The following NAV1 variants were observed in gnomAD, a reference collection of about 807,000 sequenced individuals.
The protein encoded by NAV1 is neuron navigator 1, also known as pore membrane and/or filament interacting like protein 3.
NAV1 carries 18 observed loss-of-function variants against 175.2 expected under a neutral mutation model. The ratio of observed to expected loss-of-function variants is 0.10; its 90% CI spans 0.07 to 0.15. The LOEUF (loss-of-function observed/expected upper bound fraction) is 0.15, where lower values mean the gene tolerates loss of function less well. Ranked by LOEUF, NAV1 falls within the 10% of genes least tolerant of loss-of-function variation. The pLI, the probability that NAV1 is intolerant of heterozygous loss-of-function variation, is 1.00. For synonymous variants in NAV1, 897 were observed against 978.7 expected (o/e 0.92, Z 1.56); for missense variants, 1,731 against 2,436.6 (o/e 0.71, Z 6.10).
chr1:201,675,515 C>A (rs1046535001), intron 1 of NAV1, among the ~76,000 whole-genome samples: 1 of 152,188 alleles, frequency 6.6e-6, no homozygotes, highest in African/African-American at 2.4e-5. Flanking sequence ...GGAACTGCTC[C>A]ATAAACACTA....
chr1:201,776,423 C>T (rs6427919), intron 3 of NAV1, among the ~76,000 whole-genome samples: 13,222 of 150,194 alleles, frequency 0.088, 1,044 homozygotes, highest in African/African-American at 0.21. Flanking sequence ...AGGCAGATGA[C>T]GAGGTCAAGA....
chr1:201,696,434 G>A (rs775712536), intron 1 of NAV1, among the ~76,000 whole-genome samples: 22 of 152,204 alleles, frequency 1.4e-4, no homozygotes, highest in Admixed American at 3.3e-4. Flanking sequence ...TCAGAGCTGG[G>A]ACAAAGCCCA....
intron 1 of NAV1, among the ~76,000 whole-genome samples, chr1:201,701,009 CAAAAAAAAA>C (rs386369321): frequency 3.8e-5 from 2 of 52,752 alleles, no homozygotes; most frequent in Admixed American, 3.4e-4. Flanking sequence ...GACTCTGTCT[CAAAAAAAAA>C]AAAAAAAAAA....
chr1:201,791,125 T>C, intron 13 of NAV1: 1 of 247,106 alleles, frequency 4.0e-6, no homozygotes, highest in Non-Finnish European at 8.0e-6. Context: ...ATTATAATTA[T>C]AGGGCTCTTA....
chr1:201,596,813 T>TTTTG (rs35430031), intron 2 of NAV1, among the ~76,000 whole-genome samples: 15,063 of 151,512 alleles, frequency 0.099, 907 homozygotes, highest in Admixed American at 0.14. Flanking sequence ...TTTGTTTGTT[T>TTTTG]TTTGTTTGTT....
chr1:201,659,631 G>A (rs1425029201), intron 1 of NAV1, among the ~76,000 whole-genome samples: 1 of 152,036 alleles, frequency 6.6e-6, no homozygotes, highest in Non-Finnish European at 1.5e-5. Flanking sequence ...AAAAATAAAT[G>A]AATAATAAAT....
chr1:201,682,658 C>T (rs187619145), intron 1 of NAV1, among the ~76,000 whole-genome samples: 8 of 152,046 alleles, frequency 5.3e-5, no homozygotes, highest in Admixed American at 3.9e-4. Flanking sequence ...AAAGTTGGCC[C>T]TTGGTGTAGG....
At chr1:201,601,567 T>C (rs1667512854) in intron 2 of NAV1, among the ~76,000 whole-genome samples, 1 of 152,244 alleles carries the variant, frequency 6.6e-6, no homozygotes, top group East Asian at 1.9e-4. Context: ...GAGCCTTCTT[T>C]GTGAATGGGA....
At chr1:201,723,174 G>A (rs1285085899) in intron 3 of NAV1, 2 of 152,252 alleles carry the variant, frequency 1.3e-5, no homozygotes, top group Non-Finnish European at 2.9e-5. Flanking sequence ...TTTGATTTCT[G>A]TAGTGATTAG....
chr1:201,596,214 T>G (rs1037325786), intron 2 of NAV1, among the ~76,000 whole-genome samples: 7 of 152,264 alleles, frequency 4.6e-5, no homozygotes, highest in African/African-American at 1.7e-4. Flanking sequence ...CATCAGTGTT[T>G]GCTGTTATTA....
At chr1:201,733,386 G>GA (rs1282259670) in intron 3 of NAV1, 3 of 151,940 alleles carry the variant, frequency 2.0e-5, no homozygotes. Flanking sequence ...TCTCAAAAAA[G>GA]AAAAAAGAAA....
chr1:201,770,688 A>T (rs1675517781), intron 3 of NAV1, among the ~76,000 whole-genome samples: 1 of 152,162 alleles, frequency 6.6e-6, no homozygotes, highest in African/African-American at 2.4e-5. Context: ...GAGGATAAGG[A>T]GAAAATAGCT....
At chr1:201,662,186 A>C (rs1669638781) in intron 1 of NAV1, among the ~76,000 whole-genome samples, 1 of 152,232 alleles carries the variant, frequency 6.6e-6, no homozygotes, top group South Asian at 2.1e-4. Context: ...AGCAGCCCAG[A>C]TCTTTTATTC....
intron 15 of NAV1, among the ~76,000 whole-genome samples, chr1:201,802,715 G>A (rs990037454): frequency 2.0e-5 from 3 of 151,264 alleles, no homozygotes; most frequent in African/African-American, 7.3e-5. Context: ...GGAAGCAGAG[G>A]TTGCAATGAG....
intron 2 of NAV1, among the ~76,000 whole-genome samples, chr1:201,614,183 T>G (rs905529897): frequency 2.6e-5 from 4 of 152,148 alleles, no homozygotes; most frequent in Non-Finnish European, 5.9e-5. Context: ...ACTGTAAATA[T>G]TTTCCTTGTC....
chr1:201,655,997 G>A (rs1245127393), intron 1 of NAV1, among the ~76,000 whole-genome samples: 4 of 152,222 alleles, frequency 2.6e-5, no homozygotes, highest in African/African-American at 9.6e-5. Flanking sequence ...GGGAGGGCAT[G>A]GAGAGCAGCC....
chr1:201,681,940 C>A (rs773775685), intron 1 of NAV1, among the ~76,000 whole-genome samples: 6 of 151,954 alleles, frequency 3.9e-5, no homozygotes, highest in Admixed American at 1.3e-4. Context: ...TGTGGTGAAA[C>A]CCCCATCTCT....
chr1:201,794,812 C>T, intron 15 of NAV1: 1 of 526,046 alleles, frequency 1.9e-6, no homozygotes, highest in Non-Finnish European at 3.4e-6. Flanking sequence ...CCCAGGGGTC[C>T]TCTCCTTAAC....
intron 2 of NAV1, among the ~76,000 whole-genome samples, chr1:201,602,483 G>A (rs1667545391): frequency 6.6e-6 from 1 of 152,070 alleles, no homozygotes; most frequent in Non-Finnish European, 1.5e-5. Flanking sequence ...TGAGATTACA[G>A]GTGTGTGCCA....
Sources: allele counts gnomAD v4.1 joint callset (sites outside exome capture counted in the v4.1 genomes callset), GRCh38; gene constraint gnomAD v4.1.1; transcripts MANE v1.5; gene names NCBI Gene and HGNC (gene_info 2026-07-23, HGNC 2026-07-21).